CDH18: variants seen among roughly 807,000 people sequenced by gnomAD.
CDH18 encodes cadherin-18.
In CDH18, 31 loss-of-function variants were observed where a neutral mutation model predicts 67.9. That is an observed-to-expected ratio of 0.46 (90% CI 0.34 to 0.62). The LOEUF (loss-of-function observed/expected upper bound fraction) is 0.62. Among genes scored for constraint, CDH18 ranks in the 20% least tolerant of loss-of-function variants. CDH18 has a pLI of 0.01. For missense variants in CDH18, 890 were observed against 975.5 expected, an observed-to-expected ratio of 0.91 and a Z score of 1.17; for synonymous variants, 362 against 347.2, an observed-to-expected ratio of 1.04 and a Z score of -0.48.
At chr5:20,093,157 C>A (rs541010544) in intron 2 of CDH18, among the ~76,000 whole-genome samples, 53 of 152,010 alleles carry the variant, frequency 3.5e-4, no homozygotes, top group Non-Finnish European at 6.8e-4. Flanking sequence ...GGAAGCTTGA[C>A]CCCAAGAATT....
intron 2 of CDH18, among the ~76,000 whole-genome samples, chr5:19,958,936 C>T (rs907540297): frequency 2.6e-5 from 4 of 152,100 alleles, no homozygotes; most frequent in Non-Finnish European, 5.9e-5. Flanking sequence ...TAGGTATCCT[C>T]ACTGCCATAC....
chr5:20,069,554 A>C (rs1165153320), intron 2 of CDH18, among the ~76,000 whole-genome samples: 2 of 151,964 alleles, frequency 1.3e-5, no homozygotes, highest in African/African-American at 2.4e-5. Flanking sequence ...CTGGGACTAC[A>C]GGCACCTGCC....
intron 1 of CDH18, among the ~76,000 whole-genome samples, chr5:20,396,070 C>A (rs927474445): frequency 2.0e-5 from 3 of 152,176 alleles, no homozygotes; most frequent in Admixed American, 6.5e-5. Context: ...GTGAGCCACT[C>A]CAGCAAATTA....
chr5:20,231,530 C>T (rs1431400073), intron 2 of CDH18, among the ~76,000 whole-genome samples: 1 of 151,234 alleles, frequency 6.6e-6, no homozygotes, highest in Non-Finnish European at 1.5e-5. Context: ...ACCCGGGAGG[C>T]GGAGGTTGCA....
At chr5:20,194,065 C>T (rs554794108) in intron 2 of CDH18, among the ~76,000 whole-genome samples, 1 of 152,180 alleles carries the variant, frequency 6.6e-6, no homozygotes, top group South Asian at 2.1e-4. Flanking sequence ...CCTCTCTCAC[C>T]ACTACTATTC....
intron 5 of CDH18, among the ~76,000 whole-genome samples, chr5:19,706,576 C>G (rs1198369066): frequency 6.6e-6 from 1 of 152,144 alleles, no homozygotes; most frequent in Non-Finnish European, 1.5e-5. Flanking sequence ...TGTGTGGACA[C>G]CTTTTCTCAC....
chr5:19,644,064 C>T (rs138411176), intron 5 of CDH18, among the ~76,000 whole-genome samples: 140 of 152,200 alleles, frequency 9.2e-4, no homozygotes, highest in Non-Finnish European at 1.6e-3. Flanking sequence ...GTTATATTCC[C>T]TATTTGGGTC....
Position 20,464,471 on chromosome 5 carries a change from T to G in CDH18, c.-580+110991A>C, listed in dbSNP as rs545754679. 7.1e-3 allele frequency among the ~76,000 whole-genome samples: 1,081 copies of G among 151,840 alleles called. 8 individuals carry two copies. The highest frequency in any genetic ancestry group is 0.025 in the African/African-American group (1,024 of 41,404). ...TTGTACCAAATGCTCTTGCCTGTTATTGTTTATCTTTACAGGTGATTATCA... is the reference window on the plus strand; with the variant it reads ...TTGTACCAAATGCTCTTGCCTGTTAGTGTTTATCTTTACAGGTGATTATCA... On this transcript the variant is annotated intron_variant, in intron 1 of 14. Coordinates refer to the CDH18 transcript ENST00000507958.
intron 1 of CDH18, among the ~76,000 whole-genome samples, chr5:19,984,551 G>A (rs970375057): frequency 4.6e-5 from 7 of 151,936 alleles, no homozygotes; most frequent in African/African-American, 7.3e-5. Context: ...TTTTAACCAC[G>A]CTAGAATAAC....
intron 2 of CDH18, among the ~76,000 whole-genome samples, chr5:19,994,244 C>T (rs1370083939): frequency 1.4e-4 from 19 of 137,514 alleles, no homozygotes; most frequent in African/African-American, 4.4e-4. Context: ...TATACACACA[C>T]ATATACACAT....
At chr5:19,919,679 A>G (rs1792219634) in intron 2 of CDH18, among the ~76,000 whole-genome samples, 1 of 152,210 alleles carries the variant, frequency 6.6e-6, no homozygotes. Flanking sequence ...ACTATTTAAT[A>G]TTTTACAGAT....
intron 5 of CDH18, among the ~76,000 whole-genome samples, chr5:19,688,232 C>T (rs1159074662): frequency 6.6e-6 from 1 of 152,198 alleles, no homozygotes; most frequent in Non-Finnish European, 1.5e-5. Flanking sequence ...CCTAGAGGTT[C>T]AAGAACTGGC....
intron 5 of CDH18, among the ~76,000 whole-genome samples, chr5:19,674,523 A>G (rs1020003445): frequency 6.6e-6 from 1 of 152,076 alleles, no homozygotes; most frequent in Non-Finnish European, 1.5e-5. Flanking sequence ...AACTATATGC[A>G]TCACTAGTCT....
intron 1 of CDH18, among the ~76,000 whole-genome samples, chr5:20,513,461 G>A (rs1372364660): frequency 2.0e-5 from 3 of 152,066 alleles, no homozygotes; most frequent in Non-Finnish European, 4.4e-5. Context: ...AGTGTAGTTG[G>A]AAGTTTGGTC....
intron 2 of CDH18, among the ~76,000 whole-genome samples, chr5:19,880,382 CAAG>C (rs1314257605): frequency 1.3e-5 from 2 of 152,074 alleles, no homozygotes; most frequent in African/African-American, 2.4e-5. Context: ...TAATTTTAAA[CAAG>C]AAGAAGCATT....
intron 2 of CDH18, among the ~76,000 whole-genome samples, chr5:19,871,177 C>T (rs1288723403): frequency 6.6e-6 from 1 of 152,058 alleles, no homozygotes; most frequent in African/African-American, 2.4e-5. Context: ...AATCCAAATT[C>T]CTAAGCTTTT....
chr5:20,091,526 A>T (rs762625246), intron 2 of CDH18, among the ~76,000 whole-genome samples: 4 of 152,060 alleles, frequency 2.6e-5, no homozygotes, highest in Non-Finnish European at 5.9e-5. Context: ...AACAACAACA[A>T]CAACAAAAAT....
intron 1 of CDH18, among the ~76,000 whole-genome samples, chr5:20,274,434 A>G (rs985451262): frequency 2.6e-5 from 4 of 152,178 alleles, no homozygotes; most frequent in Non-Finnish European, 4.4e-5. Flanking sequence ...AGTCAATAGA[A>G]TGCATAGTGA....
intron 2 of CDH18, among the ~76,000 whole-genome samples, chr5:20,173,331 G>A (rs1222187382): frequency 1.3e-5 from 2 of 152,090 alleles, no homozygotes; most frequent in South Asian, 2.1e-4. Flanking sequence ...GGAAGTCAAC[G>A]ACCCAGTCCC....
Sources: allele counts gnomAD v4.1 joint callset (sites outside exome capture counted in the v4.1 genomes callset), GRCh38; gene constraint gnomAD v4.1.1; transcripts MANE v1.5; gene names NCBI Gene and HGNC (gene_info 2026-07-23, HGNC 2026-07-21).